Variants in MGMT observed in about 807,000 individuals in gnomAD.
MGMT encodes the protein O-6-methylguanine-DNA methyltransferase.
In MGMT, 14 loss-of-function variants were observed where a neutral mutation model predicts 15.9. The ratio of observed to expected loss-of-function variants is 0.88; its 90% CI spans 0.58 to 1.37. The LOEUF (loss-of-function observed/expected upper bound fraction) is 1.37, where lower values mean the gene tolerates loss of function less well. Ranked by LOEUF, MGMT falls within the 40% of genes most tolerant of loss-of-function variation. The pLI is 0.00. For synonymous variants in MGMT, 130 were observed against 118.2 expected, an observed-to-expected ratio of 1.10 and a Z score of -0.65; for missense variants, 282 against 268.1, an observed-to-expected ratio of 1.05 and a Z score of -0.36.
intron 2 of MGMT, among the ~76,000 whole-genome samples, chr10:129,695,755 C>T (rs1053296011): frequency 2.6e-5 from 4 of 152,146 alleles, no homozygotes; most frequent in African/African-American, 7.2e-5. Flanking sequence ...AATCAGAAAC[C>T]GCTGCCTGCC....
At chr10:129,504,236 A>G (rs1845602959) in intron 1 of MGMT, among the ~76,000 whole-genome samples, 2 of 152,356 alleles carry the variant, frequency 1.3e-5, no homozygotes, top group African/African-American at 4.8e-5. Flanking sequence ...GCAAATGGAG[A>G]TTGAGACAGT....
At chr10:129,668,509 G>A (rs1475311490) in intron 2 of MGMT, among the ~76,000 whole-genome samples, 1 of 152,146 alleles carries the variant, frequency 6.6e-6, no homozygotes, top group Non-Finnish European at 1.5e-5. Flanking sequence ...ATGTTGAGAA[G>A]TCCATTTATT....
chr10:129,730,579 A>T (rs959185090), intron 3 of MGMT, among the ~76,000 whole-genome samples: 1 of 152,200 alleles, frequency 6.6e-6, no homozygotes, highest in South Asian at 2.1e-4. Context: ...AGGCATGAGG[A>T]TGACAAATGA....
At chr10:129,593,229 T>A (rs758162565) in intron 2 of MGMT, among the ~76,000 whole-genome samples, 2 of 152,228 alleles carry the variant, frequency 1.3e-5, no homozygotes, top group Non-Finnish European at 2.9e-5. Flanking sequence ...TCCTGCGCAG[T>A]GGGCGCTGTT....
At chr10:129,618,805 G>C (rs1847058218) in intron 2 of MGMT, among the ~76,000 whole-genome samples, 2 of 55,228 alleles carry the variant, frequency 3.6e-5, no homozygotes, top group South Asian at 2.2e-3. Flanking sequence ...TGCTAATGAT[G>C]AGAATTACAG....
chr10:129,551,395 A>T (rs1041761871), intron 2 of MGMT, among the ~76,000 whole-genome samples: 1 of 152,114 alleles, frequency 6.6e-6, no homozygotes, highest in African/African-American at 2.4e-5. Flanking sequence ...GGCAGGAAAG[A>T]CAGAAGGCCC....
At chr10:129,763,501 G>A (rs566502528) in intron 4 of MGMT, among the ~76,000 whole-genome samples, 2 of 152,250 alleles carry the variant, frequency 1.3e-5, no homozygotes, top group East Asian at 3.9e-4. Context: ...ATCTGTCCTG[G>A]CCTCTGCATT....
intron 3 of MGMT, among the ~76,000 whole-genome samples, chr10:129,734,819 C>A (rs1848541906): frequency 6.6e-6 from 1 of 152,124 alleles, no homozygotes; most frequent in African/African-American, 2.4e-5. Context: ...TTGAGATAAT[C>A]ATGTAGTTTT....
At chr10:129,629,785 T>TG in intron 2 of MGMT, among the ~76,000 whole-genome samples, 1 of 152,312 alleles carries the variant, frequency 6.6e-6, no homozygotes, top group Admixed American at 6.5e-5. Flanking sequence ...TTTTCACTGA[T>TG]GGGACATAGG....
chr10:129,542,691 G>A (rs1180776243), intron 2 of MGMT, among the ~76,000 whole-genome samples: 2 of 152,176 alleles, frequency 1.3e-5, no homozygotes, highest in Non-Finnish European at 2.9e-5. Flanking sequence ...AGTCAAATAA[G>A]CATGTTTCTG....
At chr10:129,520,171 T>C (rs7070957) in intron 1 of MGMT, among the ~76,000 whole-genome samples, 37,792 of 152,030 alleles carry the variant, frequency 0.25, 5,649 homozygotes, top group African/African-American at 0.42. Flanking sequence ...AACAGATGCT[T>C]TCAGGATCCT....
chr10:129,646,754 A>ATTTT (rs1554873525), intron 2 of MGMT, among the ~76,000 whole-genome samples: 1 of 86,678 alleles, frequency 1.2e-5, no homozygotes, highest in African/African-American at 3.9e-5. Context: ...ATATATATAT[A>ATTTT]TTTTCAGGGA....
At position 129,687,316 on chromosome 10, in the gene MGMT, G is replaced by A. The variant is rs114667596; in HGVS notation, c.126-20579G>A. 9.4e-3 allele frequency among the ~76,000 whole-genome samples: 1,433 copies of A among 152,112 alleles called. 20 individuals are homozygous for A. The highest frequency in any genetic ancestry group is 0.033 in the African/African-American group (1,348 of 41,460). On this transcript the variant is annotated intron_variant, in intron 2 of 4. Transcript: ENST00000651593. ...TTATGTCTCACCAATGCACCACAACGTAGCAGTCTCTCATAGCCCGACGTA... is the reference window on the plus strand; with the variant it reads ...TTATGTCTCACCAATGCACCACAACATAGCAGTCTCTCATAGCCCGACGTA...
chr10:129,654,295 C>T (rs921485422), intron 2 of MGMT, among the ~76,000 whole-genome samples: 10 of 152,068 alleles, frequency 6.6e-5, no homozygotes, highest in African/African-American at 2.4e-4. Context: ...GGGTGCAGGG[C>T]GTGGAGCAGG....
intron 2 of MGMT, among the ~76,000 whole-genome samples, chr10:129,687,364 C>G (rs1444086029): frequency 1.3e-5 from 2 of 150,410 alleles, no homozygotes; most frequent in Non-Finnish European, 3.0e-5. Context: ...CTTTGTCTCA[C>G]GACCAAGAAA....
At chr10:129,587,362 T>C (rs1051901964) in intron 2 of MGMT, among the ~76,000 whole-genome samples, 1 of 151,280 alleles carries the variant, frequency 6.6e-6, no homozygotes, top group Non-Finnish European at 1.5e-5. Context: ...GTTTCTATTA[T>C]GTTTTTGAGT....
At chr10:129,549,005 G>C (rs1184680340) in intron 2 of MGMT, among the ~76,000 whole-genome samples, 1 of 152,220 alleles carries the variant, frequency 6.6e-6, no homozygotes, top group African/African-American at 2.4e-5. Context: ...GTCATAAATA[G>C]CTGGCTTCTT....
At chr10:129,719,803 G>A (rs531864856) in intron 3 of MGMT, among the ~76,000 whole-genome samples, 22 of 152,030 alleles carry the variant, frequency 1.4e-4, no homozygotes, top group African/African-American at 3.9e-4. Context: ...CACCCTTTCC[G>A]AGCCTCTGAT....
intron 2 of MGMT, among the ~76,000 whole-genome samples, chr10:129,559,159 G>A (rs1846249310): frequency 1.3e-5 from 2 of 152,128 alleles, no homozygotes; most frequent in African/African-American, 2.4e-5. Context: ...CTCTCCTTAG[G>A]TGAGTGACTT....
Sources: gnomAD v4.1 joint callset for allele counts (sites outside exome capture counted in the v4.1 genomes callset) on GRCh38, gnomAD v4.1.1 for gene constraint, MANE v1.5 for transcripts, NCBI Gene and HGNC (gene_info 2026-07-23, HGNC 2026-07-21) for gene names.